Variants in DLG2 observed in about 807,000 individuals in gnomAD.
DLG2 encodes disks large homolog 2.
In DLG2, 45 loss-of-function variants were observed where a neutral mutation model predicts 132.5. The ratio of observed to expected loss-of-function variants is 0.34; its 90% CI spans 0.27 to 0.44. DLG2 has a LOEUF of 0.44. Ranked by LOEUF, DLG2 falls within the 20% of genes least tolerant of loss-of-function variation. The pLI is 1.00. For synonymous variants in DLG2, 424 were observed against 419.6 expected (o/e 1.01, Z -0.13); for missense variants, 1,045 against 1,196.9 (o/e 0.87, Z 1.87).
intron 3 of DLG2, among the ~76,000 whole-genome samples, chr11:85,533,454 AATAC>A (rs1290334403): frequency 1.5e-5 from 2 of 136,924 alleles, no homozygotes; most frequent in Non-Finnish European, 3.2e-5. Context: ...ATATACATAA[AATAC>A]ATATATATAT....
At chr11:84,483,586 G>A (rs866148794) in intron 7 of DLG2, among the ~76,000 whole-genome samples, 7 of 152,062 alleles carry the variant, frequency 4.6e-5, no homozygotes, top group African/African-American at 1.4e-4. Context: ...AGTAAGAAGA[G>A]GACCTGAGCT....
At chr11:85,213,384 G>A (rs925113993) in intron 4 of DLG2, among the ~76,000 whole-genome samples, 4 of 151,580 alleles carry the variant, frequency 2.6e-5, no homozygotes, top group African/African-American at 7.3e-5. Context: ...AGAAAGGCAG[G>A]ACAACTGGAA....
intron 6 of DLG2, among the ~76,000 whole-genome samples, chr11:84,660,123 G>C (rs2099692929): frequency 6.6e-6 from 1 of 152,140 alleles, no homozygotes; most frequent in South Asian, 2.1e-4. Context: ...TCCATCTGGA[G>C]ACAGAATTGA....
intron 6 of DLG2, among the ~76,000 whole-genome samples, chr11:84,974,475 A>C (rs2054579928): frequency 1.3e-5 from 2 of 152,222 alleles, no homozygotes; most frequent in Admixed American, 6.5e-5. Flanking sequence ...GTTGCAAAAT[A>C]AATAATTAAG....
chr11:85,592,394 A>G (rs2079417144), intron 3 of DLG2, among the ~76,000 whole-genome samples: 1 of 152,242 alleles, frequency 6.6e-6, no homozygotes, highest in South Asian at 2.1e-4. Context: ...ACTTATTTAA[A>G]GATCCATGAT....
intron 20 of DLG2, among the ~76,000 whole-genome samples, chr11:83,539,880 G>T (rs2096009212): frequency 6.6e-6 from 1 of 152,158 alleles, no homozygotes; most frequent in African/African-American, 2.4e-5. Context: ...TGTTCTTCTG[G>T]AGAAAAATGA....
chr11:84,037,127 C>T lies in DLG2; in HGVS notation c.919+22188G>A, dbSNP rs192505155. On this transcript the variant is annotated intron_variant, in intron 11 of 27. Coordinates refer to ENST00000376104, the MANE Select transcript of DLG2 (RefSeq NM_001142699.3). The stretch of plus-strand genomic sequence containing the variant: ...GGAGATCCATGTAACAGGTAATATA[C>T]CTAAAAGATTATCTTTTATTAGTGA... 7.3e-4 allele frequency among the ~76,000 whole-genome samples: 111 copies of T among 152,192 alleles called. 1 individual carries two copies. The highest frequency in any genetic ancestry group is 2.6e-3 in the African/African-American group (109 of 41,526).
intron 26 of DLG2, among the ~76,000 whole-genome samples, chr11:83,462,945 T>TA (rs61210518): frequency 3.1e-4 from 47 of 150,134 alleles, no homozygotes; most frequent in Admixed American, 1.2e-3. Flanking sequence ...TTCCAGGTGT[T>TA]AAAAAAAAAA....
chr11:84,552,334 CCCA>C (rs1307665402), intron 6 of DLG2, among the ~76,000 whole-genome samples: 3 of 152,148 alleles, frequency 2.0e-5, no homozygotes, highest in Admixed American at 6.6e-5. Flanking sequence ...TTCATCTTTT[CCCA>C]CCACATTCCC....
chr11:84,555,982 C>T (rs1313735412), intron 6 of DLG2, among the ~76,000 whole-genome samples: 1 of 152,138 alleles, frequency 6.6e-6, no homozygotes, highest in Admixed American at 6.5e-5. Flanking sequence ...CAGCCCCTGC[C>T]CATCTGCATT....
At position 84,320,457 on chromosome 11, in the gene DLG2, C is replaced by T. The variant is rs868185542; in HGVS notation, c.520-69166G>A. ...ACATCCTTATCAGCCACAAGTAATA[C>T]GCCAAATAATCATAAAATGCTTTGA... is the stretch of plus-strand genomic sequence containing the variant. On this transcript the variant is annotated intron_variant, in intron 7 of 27. Transcript: ENST00000376104. Among the ~76,000 whole-genome samples the T allele has an allele frequency of 1.3e-4, 20 of 152,174 alleles. No individual in the cohort carries two copies. In the East Asian group the frequency reaches 1.9e-3, roughly 15 times the overall value.
chr11:84,328,873 T>C (rs1164718313), intron 7 of DLG2, among the ~76,000 whole-genome samples: 2 of 152,236 alleles, frequency 1.3e-5, no homozygotes, highest in African/African-American at 2.4e-5. Flanking sequence ...TCTTCTCCTC[T>C]GGGCTTATAT....
intron 3 of DLG2, among the ~76,000 whole-genome samples, chr11:85,483,018 G>A (rs568244394): frequency 2.0e-5 from 3 of 152,172 alleles, no homozygotes; most frequent in African/African-American, 4.8e-5. Flanking sequence ...AGAAAAGAAA[G>A]AGAAAGACAA....
intron 6 of DLG2, among the ~76,000 whole-genome samples, chr11:84,681,308 T>G (rs1201855956): frequency 6.6e-6 from 1 of 152,206 alleles, no homozygotes; most frequent in East Asian, 1.9e-4. Context: ...GCTAAGTGAT[T>G]TATCTTATTT....
At chr11:83,856,305 T>G (rs531373407) in intron 16 of DLG2, among the ~76,000 whole-genome samples, 13 of 152,296 alleles carry the variant, frequency 8.5e-5, no homozygotes, top group Middle Eastern at 3.4e-3. Context: ...ATGCTTGAAT[T>G]TTCTTTATAA....
intron 6 of DLG2, among the ~76,000 whole-genome samples, chr11:84,975,316 T>C (rs2054737600): frequency 6.6e-6 from 1 of 152,214 alleles, no homozygotes. Context: ...GTGATGATGC[T>C]ATAAGTTCTA....
At chr11:84,315,614 A>C (rs1390667908) in intron 7 of DLG2, among the ~76,000 whole-genome samples, 2 of 152,174 alleles carry the variant, frequency 1.3e-5, no homozygotes, top group African/African-American at 4.8e-5. Context: ...GCATTTCTAA[A>C]TGTCAACTTC....
chr11:84,099,718 T>G (rs2092247343), intron 9 of DLG2, among the ~76,000 whole-genome samples: 1 of 149,652 alleles, frequency 6.7e-6, no homozygotes, highest in African/African-American at 2.4e-5. Flanking sequence ...TAGATTATAG[T>G]AACTGATATC....
At chr11:84,744,787 A>C (rs2065135792) in intron 6 of DLG2, among the ~76,000 whole-genome samples, 1 of 152,054 alleles carries the variant, frequency 6.6e-6, no homozygotes, top group Admixed American at 6.6e-5. Context: ...GTCTGATGGG[A>C]AGCTGTAAAG....
Sources: allele counts gnomAD v4.1 joint callset (sites outside exome capture counted in the v4.1 genomes callset), GRCh38; gene constraint gnomAD v4.1.1; transcripts MANE v1.5; gene names NCBI Gene and HGNC (gene_info 2026-07-23, HGNC 2026-07-21).